The following ACTL8 variants were observed in gnomAD, a reference collection of about 807,000 sequenced individuals.
ACTL8 encodes actin like 8.
ACTL8 carries 3 observed loss-of-function variants against 9.3 expected under a neutral mutation model. The observed-to-expected ratio is 0.32, with a 90% confidence interval of 0.15 to 0.83. The LOEUF is 0.83. Ranked by LOEUF, ACTL8 falls within the 40% of genes least tolerant of loss-of-function variation. The pLI, the probability that ACTL8 is intolerant of heterozygous loss-of-function variation, is 0.57. For synonymous variants in ACTL8, 224 were observed against 205.9 expected, an observed-to-expected ratio of 1.09 and a Z score of -0.75; for missense variants, 381 against 492.2, an observed-to-expected ratio of 0.77 and a Z score of 2.14.
chr1:17,761,864 C>A (rs11809278), intron 1 of ACTL8, among the ~76,000 whole-genome samples: 3 of 152,152 alleles, frequency 2.0e-5, no homozygotes, highest in Non-Finnish European at 2.9e-5. Flanking sequence ...AGCTGCCGCG[C>A]CCGGCCCTGT....
At chr1:17,757,672 G>T (rs1214903638) in intron 1 of ACTL8, among the ~76,000 whole-genome samples, 1 of 152,152 alleles carries the variant, frequency 6.6e-6, no homozygotes, top group Admixed American at 6.5e-5. Context: ...GTTCCACGGT[G>T]GCGGGTATAC....
intron 1 of ACTL8, among the ~76,000 whole-genome samples, chr1:17,807,928 C>T (rs978166951): frequency 5.3e-5 from 8 of 152,072 alleles, no homozygotes; most frequent in Non-Finnish European, 1.0e-4. Flanking sequence ...ACTACCATGG[C>T]ACGTGTATAC....
intron 1 of ACTL8, among the ~76,000 whole-genome samples, chr1:17,773,499 C>T (rs902017705): frequency 1.3e-5 from 2 of 152,198 alleles, no homozygotes; most frequent in African/African-American, 2.4e-5. Context: ...TGGTAGGTGC[C>T]GGCTTAGCTC....
intron 1 of ACTL8, among the ~76,000 whole-genome samples, chr1:17,794,956 G>A (rs1322175918): frequency 3.3e-5 from 5 of 152,204 alleles, no homozygotes; most frequent in Non-Finnish European, 7.3e-5. Flanking sequence ...ATCTGCAGAA[G>A]GAGGAATGCT....
intron 1 of ACTL8, among the ~76,000 whole-genome samples, chr1:17,786,968 C>T (rs1307347289): frequency 6.6e-6 from 1 of 152,098 alleles, no homozygotes; most frequent in Non-Finnish European, 1.5e-5. Context: ...TCCCAAAACC[C>T]TGGGATGACA....
At chr1:17,797,923 T>C (rs1044685018) in intron 1 of ACTL8, among the ~76,000 whole-genome samples, 24 of 152,148 alleles carry the variant, frequency 1.6e-4, no homozygotes, top group African/African-American at 5.6e-4. Flanking sequence ...CTGACTTGGC[T>C]GTAGGAGGCG....
chr1:17,800,583 CTTTTT>C (rs59143238), intron 1 of ACTL8, among the ~76,000 whole-genome samples: 7,026 of 68,056 alleles, frequency 0.1, 117 homozygotes, highest in East Asian at 0.14. Context: ...TGGTGTCAAT[CTTTTT>C]TTTTTTTTTT....
intron 1 of ACTL8, among the ~76,000 whole-genome samples, chr1:17,796,162 C>T (rs2066275327): frequency 1.3e-5 from 2 of 152,144 alleles, no homozygotes; most frequent in South Asian, 4.1e-4. Flanking sequence ...GCTGCTCTGG[C>T]TACTGAGCAT....
rs1434341729 is a variant in ACTL8 at position 17,823,561 on chromosome 1, A to G, written c.348+205A>G. Among the ~76,000 whole-genome samples, 6 of 152,050 alleles carry G rather than the reference A, an allele frequency of 3.9e-5. No homozygotes were observed. Among genetic ancestry groups the G allele is most frequent in the African/African-American group, 1.4e-4 (6 of 41,402 alleles). On this transcript the variant is annotated intron_variant, in intron 2 of 2. Transcript: ENST00000375406. This position sits in a 1 kb window ranked among gnomAD's most constrained non-coding sequence, Gnocchi z 5.3. ...AGTTCAGGACCAGCCTGGGCAATAT[A>G]GTGAGACCCCTGTCTCTATAAAAAA...
rs1015824040 is a variant in ACTL8 at position 17,813,975 on chromosome 1, C to T, written c.-24-9010C>T. Reference sequence around the variant, plus strand: ...GAAGTGATGCCACCTCATTCCTGATCGCAGTCTTTTGTGTCTTTTCTCTTT... The same window carrying T: ...GAAGTGATGCCACCTCATTCCTGATTGCAGTCTTTTGTGTCTTTTCTCTTT... On this transcript the variant is annotated intron_variant, in intron 1 of 2. Transcript: ENST00000375406. Among the ~76,000 whole-genome samples, 12 of 152,144 alleles carry T rather than the reference C, an allele frequency of 7.9e-5. 1 individual carries two copies. The South Asian group carries it at 1.0e-3, about 13-fold the overall frequency.
At chr1:17,804,193 T>C (rs1225313706) in intron 1 of ACTL8, among the ~76,000 whole-genome samples, 6 of 152,218 alleles carry the variant, frequency 3.9e-5, no homozygotes, top group Non-Finnish European at 8.8e-5. Flanking sequence ...GGCCTGCCTC[T>C]TCTTCAGGCT....
At chr1:17,795,515 G>T (rs961854654) in intron 1 of ACTL8, among the ~76,000 whole-genome samples, 1 of 152,164 alleles carries the variant, frequency 6.6e-6, no homozygotes, top group African/African-American at 2.4e-5. Context: ...CCTTCCCTCT[G>T]TTACTTGGGT....
intron 2 of ACTL8, among the ~76,000 whole-genome samples, chr1:17,824,928 A>G (rs1570051385): frequency 6.6e-6 from 1 of 150,596 alleles, no homozygotes; most frequent in Admixed American, 6.6e-5. Context: ...TAATGGAGGG[A>G]GCCCCCTCCC....
rs115126326 is a variant in ACTL8, at chr1:17,773,518, T to A, written c.-25+18014T>A. The stretch of plus-strand genomic sequence containing the variant: ...AGGTGCCGGCTTAGCTCTACCCTTA[T>A]GCGTTTATTTATGATGCCATAGAGT... On this transcript the variant is annotated intron_variant, in intron 1 of 2. Transcript: ENST00000375406. Among the ~76,000 whole-genome samples, 912 of 152,342 alleles carry A rather than the reference T, an allele frequency of 6.0e-3. 9 individuals carry two copies. The highest frequency in any genetic ancestry group is 0.021 in the African/African-American group (870 of 41,580).
intron 1 of ACTL8, among the ~76,000 whole-genome samples, chr1:17,812,427 CTTTTTTTT>C (rs141182523): frequency 0.023 from 2,804 of 122,454 alleles, 98 homozygotes; most frequent in African/African-American, 0.08. Flanking sequence ...ATTTTTTTTC[CTTTTTTTT>C]TTTTTTTTTT....
intron 1 of ACTL8, among the ~76,000 whole-genome samples, chr1:17,770,249 T>C (rs1197660589): frequency 2.0e-5 from 3 of 152,244 alleles, no homozygotes; most frequent in African/African-American, 7.2e-5. Context: ...CTAGTTTCTG[T>C]GGCAACAGAG....
intron 1 of ACTL8, among the ~76,000 whole-genome samples, chr1:17,805,915 CT>C (rs2066357275): frequency 6.6e-6 from 1 of 152,242 alleles, no homozygotes; most frequent in South Asian, 2.1e-4. Flanking sequence ...CCTATCCACT[CT>C]TGTCCTAGGG....
intron 1 of ACTL8, among the ~76,000 whole-genome samples, chr1:17,819,667 A>G (rs1449490156): frequency 6.6e-6 from 1 of 152,242 alleles, no homozygotes; most frequent in African/African-American, 2.4e-5. Context: ...GACAATTTGT[A>G]TTCTGCAAGA....
intron 1 of ACTL8, among the ~76,000 whole-genome samples, chr1:17,759,054 C>A (rs1332016590): frequency 6.6e-6 from 1 of 152,160 alleles, no homozygotes; most frequent in Non-Finnish European, 1.5e-5. Context: ...ATAGCTGCAT[C>A]TTTTTAGATA....
Sources: gnomAD v4.1 joint callset for allele counts (sites outside exome capture counted in the v4.1 genomes callset) on GRCh38, gnomAD v4.1.1 for gene constraint, Gnocchi (gnomAD v3.1) non-coding constraint, MANE v1.5 for transcripts, NCBI Gene and HGNC (gene_info 2026-07-23, HGNC 2026-07-21) for gene names.